The following HAUS5 variants were observed in gnomAD, a reference collection of about 807,000 sequenced individuals.
HAUS5 encodes HAUS augmin-like complex subunit 5.
In HAUS5, 67 loss-of-function variants were observed where a neutral mutation model predicts 94.1. The observed-to-expected ratio is 0.71, with a 90% CI of 0.58 to 0.87. The LOEUF is 0.87. HAUS5 is among the 40% of genes least tolerant of loss of function. The probability of loss-of-function intolerance (pLI) is 0.00; values close to 1 mark genes in which losing one functional copy is unlikely to be tolerated. For synonymous variants in HAUS5, 339 were observed against 355.4 expected (o/e 0.95, Z 0.52); for missense variants, 739 against 825.6 (o/e 0.90, Z 1.29).
chr19:35,619,769 G>T lies in HAUS5; in HGVS notation c.1406+11G>T. 1 of 1,536,314 alleles carries T rather than the reference G, an allele frequency of 6.5e-7. No homozygotes were observed. On this transcript the variant is annotated intron_variant, in intron 15 of 18. Transcript: ENST00000203166. ...GCACAGGCCGGGAGAGTGAGACTGG[G>T]GCTGCCCCACCCCTGCCCTGCATCC...
At chr19:35,617,263 G>C (rs748631363) in intron 7 of HAUS5, 24 bp from the exon 8 acceptor site, 1 of 1,610,580 alleles carries the variant, frequency 6.2e-7, no homozygotes. Context: ...TCCCCCTCAG[G>C]TCCCTTCCTC....
intron 12 of HAUS5, 52 bp downstream of exon 12, chr19:35,618,751 T>C: frequency 6.5e-7 from 1 of 1,540,908 alleles, no homozygotes; most frequent in East Asian, 2.3e-5. Flanking sequence ...TCTGAGTGTC[T>C]CAGCCCATTG....
At chr19:35,613,396 G>C (rs1329526296) in intron 1 of HAUS5, among the ~76,000 whole-genome samples, 1 of 151,966 alleles carries the variant, frequency 6.6e-6, no homozygotes, top group Non-Finnish European at 1.5e-5. Context: ...ACCACACTTA[G>C]TGCAAACATC....
In HAUS5 at chr19:35,612,839, C is replaced by A. The variant is rs1368082030; in HGVS notation, c.45C>A (p.Val15=). 2 of 1,548,036 alleles carry A rather than the reference C, an allele frequency of 1.3e-6. No homozygotes were observed. Among genetic ancestry groups the A allele is most frequent in the East Asian group, 2.5e-5 (1 of 40,380 alleles). ...QEARELGCWA[V]EEMGVPVAAR... is the part of the protein sequence containing the mutation. ...CGCGGGAACTGGGTTGCTGGGCGGT[C>A]GAAGAGATGGGGGTGCCCGTGGCGG... Residue 15 remains valine (V), a synonymous_variant, in exon 1 of 19, where the codon GTC becomes GTA. Transcript: ENST00000203166.
At chr19:35,621,619 T>G (rs1311332264) in intron 17 of HAUS5, among the ~76,000 whole-genome samples, 1 of 152,202 alleles carries the variant, frequency 6.6e-6, no homozygotes, top group Non-Finnish European at 1.5e-5. Flanking sequence ...GTTTCCTTCC[T>G]TGTTAAATTA....
chr19:35,622,178 A>G (rs1967218311), intron 17 of HAUS5, among the ~76,000 whole-genome samples: 1 of 152,038 alleles, frequency 6.6e-6, no homozygotes, highest in African/African-American at 2.4e-5. Flanking sequence ...GACAGGAGGG[A>G]GAGCATCAAA....
At chr19:35,618,812 T>A in intron 12 of HAUS5, 75 bp from the exon 13 acceptor site, 1 of 1,527,942 alleles carries the variant, frequency 6.5e-7, no homozygotes, top group Non-Finnish European at 8.8e-7. Context: ...CCCTGCAGTG[T>A]CTCTCCCTGG....
chr19:35,616,434 G>A (rs1057078578), intron 6 of HAUS5, among the ~76,000 whole-genome samples: 5 of 152,216 alleles, frequency 3.3e-5, no homozygotes, highest in African/African-American at 1.2e-4. Context: ...GGGTAGGCAT[G>A]ATCGTTAGGT....
chr19:35,623,086 T>A lies in HAUS5; in HGVS notation c.*93T>A, dbSNP rs1036556192. The A allele has an allele frequency of 6.8e-6, 6 of 884,600 alleles. No homozygotes were observed. The East Asian group carries it at 1.2e-4, about 18-fold the overall frequency. The allele number at this position is 884,600 out of a possible 1,614,324, so 54.8% of individuals were successfully genotyped here. A position where few individuals can be genotyped will look rare whatever the true frequency, so the allele number is the denominator to read the frequency against. On this transcript the variant is annotated 3_prime_UTR_variant, in exon 19 of 19. Transcript: ENST00000203166. ...ATTTGGAAGAAAGCAGCGCCAGGAT[T>A]CCTCGGCAGTCGTCCCCACCCGCAC...
chr19:35,613,214 T>C (rs764538979), intron 1 of HAUS5, among the ~76,000 whole-genome samples: 4 of 152,212 alleles, frequency 2.6e-5, no homozygotes, highest in Admixed American at 6.5e-5. Flanking sequence ...CCATCGGGGA[T>C]TGAAGCTGTA....
intron 6 of HAUS5, among the ~76,000 whole-genome samples, chr19:35,616,325 A>G (rs1031696376): frequency 2.6e-5 from 4 of 151,870 alleles, no homozygotes; most frequent in African/African-American, 9.7e-5. Flanking sequence ...TTTAAAAAAA[A>G]AAAAATTGGG....
At chr19:35,620,164 C>G (rs1967186141) in intron 16 of HAUS5, 31 bp from the exon 17 acceptor site, 9 of 1,611,280 alleles carry the variant, frequency 5.6e-6, no homozygotes, top group South Asian at 1.1e-5. Flanking sequence ...CCAGCCCCGC[C>G]CCAGGTGACC....
Position 35,620,312 on chromosome 19 carries a change from G to A in HAUS5, c.1636G>A (p.Gly546Ser), listed in dbSNP as rs775264300. The A allele has an allele frequency of 1.2e-6, 2 of 1,612,878 alleles. No homozygotes were observed. Among genetic ancestry groups the A allele is most frequent in the Non-Finnish European group, 1.7e-6 (2 of 1,179,688 alleles). ...CCACATGAAGACCAGCCTGCCGCCA[G>A]GCCTTCCCACCCAGGGTAGGTCTGC... Reference protein sequence around the residue: ...LLHMKTSLPPGLPTQELLQIQ... With the variant: ...LLHMKTSLPPSLPTQELLQIQ... The change falls in exon 17 of 19, where the codon GGC becomes AGC. Residue 546 changes from glycine (G) to serine (S), a missense_variant. Physicochemically the swap from Gly to Ser is moderately conservative, Grantham distance 56. Transcript: ENST00000203166.
rs2075738172 is a variant in HAUS5 at position 35,624,485 on chromosome 19, T to C, written c.*1492T>C. 6.7e-6 allele frequency: 1 copy of C among 148,162 alleles called. No individual in the cohort carries two copies. Among genetic ancestry groups the C allele is most frequent in the Admixed American group, 6.7e-5 (1 of 14,832 alleles). The allele number at this position is 148,162 out of a possible 1,614,324, so 9.2% of individuals were successfully genotyped here. On this transcript the variant is annotated 3_prime_UTR_variant, in exon 19 of 19. Transcript: ENST00000203166. ...TTCTTTCTTTTTTTGAGACAGAATC[T>C]GGCTGTTTCCCAGGCTGAAGTGCAG...
Position 35,618,996 on chromosome 19 carries a change from C to T in HAUS5, c.1126C>T (p.Leu376=), listed in dbSNP as rs1009486920. The T allele has an allele frequency of 6.2e-7, 1 of 1,612,424 alleles. No individual in the cohort carries two copies. Among genetic ancestry groups the T allele is most frequent in the African/African-American group, 1.3e-5 (1 of 74,996 alleles). Residue 376 remains leucine, a synonymous_variant, in exon 13 of 19, where the codon CTG becomes TTG. Coordinates refer to ENST00000203166, the MANE Select transcript of HAUS5 (RefSeq NM_015302.2). The stretch of plus-strand genomic sequence containing the variant: ...TGCAGCTGGGCATCGGCAGCTCCTG[C>T]TGAGGGAGCTACAGGCCAAACAGCA... ...QDAAGHRQLL[L]RELQAKQQRI... is the part of the protein sequence containing the mutation.
chr19:35,618,199 T>G lies in HAUS5; in HGVS notation c.821+4T>G. On this transcript the variant is annotated splice_donor_region_variant and intron_variant, in intron 10 of 18. Transcript: ENST00000203166. ...TTGGCGACACAGAGATATCCAGGTGTGGGGCAGGGTATTCTCACAGTTGGG... is the reference window on the plus strand; with the variant it reads ...TTGGCGACACAGAGATATCCAGGTGGGGGGCAGGGTATTCTCACAGTTGGG... The G allele has an allele frequency of 1.3e-6, 2 of 1,596,660 alleles. No homozygotes were observed. Among genetic ancestry groups the G allele is most frequent in the Non-Finnish European group, 1.7e-6 (2 of 1,168,814 alleles).
Position 35,614,444 on chromosome 19 carries a change from C to T in HAUS5, c.219+385C>T, listed in dbSNP as rs771210020. Among the ~76,000 whole-genome samples, 5 of 152,102 alleles carry T rather than the reference C, an allele frequency of 3.3e-5. No individual in the cohort carries two copies. The East Asian group carries it at 7.8e-4, about 24-fold the overall frequency. ...TAATAAAAATAAAAAATTAGCCAGGCGTGGTGGCACACGCCTGTAATCCTA... is the reference window on the plus strand; with the variant it reads ...TAATAAAAATAAAAAATTAGCCAGGTGTGGTGGCACACGCCTGTAATCCTA... On this transcript the variant is annotated intron_variant, in intron 4 of 18. Coordinates refer to ENST00000203166, the MANE Select transcript of HAUS5 (RefSeq NM_015302.2).
In HAUS5 at chr19:35,618,112, C is replaced by T; in HGVS notation, c.738C>T (p.Ala246=). The T allele has an allele frequency of 6.2e-7, 1 of 1,608,936 alleles. No individual in the cohort carries two copies. The highest frequency in any genetic ancestry group is 8.5e-7 in the Non-Finnish European group (1 of 1,176,604). Residue 246 remains alanine, a synonymous_variant, in exon 10 of 19, where the codon GCC becomes GCT. Coordinates refer to ENST00000203166, the MANE Select transcript of HAUS5 (RefSeq NM_015302.2). ...ACCCCCCAGGCCACGTCCTGGCTGC[C>T]TTGGAGCACCTGGCTGCAGAGCGGG... is the stretch of plus-strand genomic sequence containing the variant. ...TNHPPGHVLA[A]LEHLAAEREA...
chr19:35,613,416 C>A (rs1209953533), intron 1 of HAUS5, among the ~76,000 whole-genome samples: 1 of 151,762 alleles, frequency 6.6e-6, no homozygotes, highest in African/African-American at 2.4e-5. Context: ...CCAGTCCCTA[C>A]AAAAAAAATG....
Sources: gnomAD v4.1 joint callset for allele counts (sites outside exome capture counted in the v4.1 genomes callset) on GRCh38, gnomAD v4.1.1 for gene constraint, MANE v1.5 for transcripts, NCBI Gene and HGNC (gene_info 2026-07-23, HGNC 2026-07-21) for gene names.